ZSCAN31: variants seen among roughly 807,000 people sequenced by gnomAD.
ZSCAN31 encodes zinc finger and SCAN domain containing 31.
ZSCAN31 carries 14 observed loss-of-function variants against 22.5 expected under a neutral mutation model. The ratio of observed to expected loss-of-function variants is 0.62; its 90% confidence interval spans 0.41 to 0.97. The LOEUF (loss-of-function observed/expected upper bound fraction) is 0.97, where lower values mean the gene tolerates loss of function less well. Among genes scored for constraint, ZSCAN31 ranks in the 50% least tolerant of loss-of-function variants. The pLI, the probability that ZSCAN31 is intolerant of heterozygous loss-of-function variation, is 0.00. For synonymous variants in ZSCAN31, 168 were observed against 169.8 expected, an observed-to-expected ratio of 0.99 and a Z score of 0.08; for missense variants, 424 against 483.4, an observed-to-expected ratio of 0.88 and a Z score of 1.15.
chr6:28,327,522 A>C lies in ZSCAN31; in HGVS notation c.393T>G (p.His131Gln). Residue 131 changes from histidine (H) to glutamine (Q), a missense_variant, in exon 3 of 4, where the codon CAT becomes CAG. His to Gln is a conservative substitution (Grantham distance 24, BLOSUM62 0). Coordinates refer to ENST00000344279, the MANE Select transcript of ZSCAN31 (RefSeq NM_030899.5). Reference sequence around the variant, plus strand: ...AGAGCACTTCAGAATGTCCATGTTCATGGTCTGGAGCCTGAAGGCAGGTAG... The same window carrying C: ...AGAGCACTTCAGAATGTCCATGTTCCTGGTCTGGAGCCTGAAGGCAGGTAG... ...LSEPGNQAPDHEHGHSEVLLE... is the reference protein window; with the variant it reads ...LSEPGNQAPDQEHGHSEVLLE... 6.2e-7 allele frequency: 1 copy of C among 1,613,312 alleles called. No individual in the cohort carries two copies. Among genetic ancestry groups the C allele is most frequent in the Non-Finnish European group, 8.5e-7 (1 of 1,179,994 alleles).
At chr6:28,350,081 A>AGTGTGTGTGT (rs955657610) in intron 2 of ZSCAN31, 1 of 100,278 alleles carries the variant, frequency 1.0e-5, no homozygotes, top group African/African-American at 6.1e-5. Flanking sequence ...CGTTTGCAGG[A>AGTGTGTGTGT]GTATGTGTGT....
At position 28,349,918 on chromosome 6, in the gene ZSCAN31, G is replaced by C. The variant is rs532350979; in HGVS notation, c.-371+3944C>G. ...AGGTGGCTAGAGAGGCCCGGAAGTGGCTTCTGTGCCCCGCCCTGCGGGTGG... is the reference window on the plus strand; with the variant it reads ...AGGTGGCTAGAGAGGCCCGGAAGTGCCTTCTGTGCCCCGCCCTGCGGGTGG... On this transcript the variant is annotated intron_variant, in intron 2 of 7. Coordinates refer to the ZSCAN31 transcript ENST00000396838. The surrounding 1 kb of genome is among the most constrained non-coding windows in gnomAD (Gnocchi z 4.1). 158 of 152,380 alleles carry C rather than the reference G, an allele frequency of 1.0e-3. No individual in the cohort carries two copies. Among genetic ancestry groups the C allele is most frequent in the Middle Eastern group, 3.4e-3 (1 of 294 alleles). 9.4% of individuals were successfully genotyped at this position (152,380 alleles called of 1,614,324 possible). A position where few individuals can be genotyped will look rare whatever the true frequency, so the allele number is the denominator to read the frequency against.
At chr6:28,352,344 C>T (rs1366457757) in intron 2 of ZSCAN31, among the ~76,000 whole-genome samples, 1 of 152,152 alleles carries the variant, frequency 6.6e-6, no homozygotes, top group African/African-American at 2.4e-5. Flanking sequence ...TCTCCATCTC[C>T]CAGGCTCAAG....
intron 2 of ZSCAN31, among the ~76,000 whole-genome samples, chr6:28,352,026 G>T (rs1237302891): frequency 6.6e-6 from 1 of 151,470 alleles, no homozygotes; most frequent in South Asian, 2.1e-4. Flanking sequence ...TTTTCAGTGG[G>T]GTCCGAATAT....
intron 3 of ZSCAN31, 37 bp from the exon 4 acceptor site, chr6:28,326,891 T>A: frequency 2.0e-6 from 3 of 1,512,168 alleles, no homozygotes; most frequent in Non-Finnish European, 2.7e-6. Context: ...GTAATCTCTT[T>A]CCTTTATGAA....
Position 28,331,481 on chromosome 6 carries a change from T to C in ZSCAN31, c.-95-1703A>G, listed in dbSNP as rs1000649330. On this transcript the variant is annotated intron_variant, in intron 1 of 3. Coordinates refer to ENST00000344279, the MANE Select transcript of ZSCAN31 (RefSeq NM_030899.5). The surrounding 1 kb of genome is among the most constrained non-coding windows in gnomAD (Gnocchi z 4.8). ...GTCCCTAACTTTATGGTATTTACCA[T>C]GGGAAAGACAGACCTTAATAAAATA... 6.6e-6 allele frequency among the ~76,000 whole-genome samples: 1 copy of C among 152,222 alleles called. No homozygotes were observed. Among genetic ancestry groups the C allele is most frequent in the Admixed American group, 6.5e-5 (1 of 15,286 alleles).
intron 1 of ZSCAN31, chr6:28,335,417 T>C (rs1764070541): frequency 6.6e-6 from 1 of 152,244 alleles, no homozygotes; most frequent in Non-Finnish European, 1.5e-5. Flanking sequence ...CTTTGTATAG[T>C]CAGCAGGTTC....
rs1764842645 is a variant in ZSCAN31 at position 28,349,734 on chromosome 6, C to G, written c.-371+4128G>C. On this transcript the variant is annotated intron_variant, in intron 2 of 7. Transcript: ENST00000396838. The surrounding 1 kb of genome is among the most constrained non-coding windows in gnomAD (Gnocchi z 4.1). ...ACACATAATTTAGATTCTTTTTACTCTCTTCTATTCGCAAATATAGCAAAT... is the reference window on the plus strand; with the variant it reads ...ACACATAATTTAGATTCTTTTTACTGTCTTCTATTCGCAAATATAGCAAAT... Among the ~76,000 whole-genome samples the G allele has an allele frequency of 6.6e-6, 1 of 152,206 alleles. No homozygotes were observed. The highest frequency in any genetic ancestry group is 2.4e-5 in the African/African-American group (1 of 41,458).
rs5875155 is a variant in ZSCAN31, at chr6:28,346,342, C to CTTTTTTTTTTTTTTT, written c.-370-4565_-370-4551dup. Among the ~76,000 whole-genome samples the CTTTTTTTTTTTTTTT allele has an allele frequency of 2.0e-3, 178 of 87,750 alleles. 10 individuals carry two copies. Among genetic ancestry groups the CTTTTTTTTTTTTTTT allele is most frequent in the African/African-American group, 6.5e-3 (139 of 21,368 alleles). 57.6% of individuals were successfully genotyped at this position (87,750 alleles called of 152,430 possible). Reference sequence around the variant, plus strand: ...GCTTCTTGCTTCTCCTCAGTACAATCTTTTTTTTTTTTTTTTTTTTTTTTT... The same window carrying CTTTTTTTTTTTTTTT: ...GCTTCTTGCTTCTCCTCAGTACAATCTTTTTTTTTTTTTTTTTTTTTTTTTTTTTTTTTTTTTTTT... On this transcript the variant is annotated intron_variant, in intron 2 of 7. Coordinates refer to the ZSCAN31 transcript ENST00000396838.
intron 3 of ZSCAN31, among the ~76,000 whole-genome samples, chr6:28,341,546 T>C (rs1455045095): frequency 6.6e-6 from 1 of 152,182 alleles, no homozygotes; most frequent in Non-Finnish European, 1.5e-5. Flanking sequence ...GGGGCTAGGT[T>C]TAAACATAAG....
chr6:28,330,317 A>G (rs559362533), intron 1 of ZSCAN31, among the ~76,000 whole-genome samples: 108 of 152,334 alleles, frequency 7.1e-4, no homozygotes, highest in African/African-American at 2.5e-3. Flanking sequence ...GCCCACCCCA[A>G]GTAAGCTGTG....
At chr6:28,336,279 A>T (rs932214283), upstream of ZSCAN31, 1 of 152,212 alleles carries the variant, frequency 6.6e-6, no homozygotes, top group Non-Finnish European at 1.5e-5. Flanking sequence ...CAAAAATCCC[A>T]GTCCCACTGG....
upstream of ZSCAN31, among the ~76,000 whole-genome samples, chr6:28,338,478 G>A (rs765769822): frequency 6.6e-6 from 1 of 151,386 alleles, no homozygotes; most frequent in South Asian, 2.1e-4. Context: ...ATTACAAAAC[G>A]AGACAGAACA....
At chr6:28,326,952 T>C in intron 3 of ZSCAN31, 98 bp from the exon 4 acceptor site, 1 of 1,188,984 alleles carries the variant, frequency 8.4e-7, no homozygotes, top group South Asian at 1.5e-5. Flanking sequence ...AACAGACATG[T>C]TCTAGGAATG....
upstream of ZSCAN31, among the ~76,000 whole-genome samples, chr6:28,339,867 T>C (rs1209867254): frequency 6.6e-6 from 1 of 151,760 alleles, no homozygotes; most frequent in Non-Finnish European, 1.5e-5. Flanking sequence ...CCCTCAAATT[T>C]TGCAGGCATA....
rs1764804054 is a variant in ZSCAN31, at chr6:28,349,193, TATATATAGGTGTATATATATGTCTC to T, written c.-371+4644_-371+4668del. On this transcript the variant is annotated intron_variant, in intron 2 of 7. Coordinates refer to the ZSCAN31 transcript ENST00000396838. This position sits in a 1 kb window ranked among gnomAD's most constrained non-coding sequence, Gnocchi z 4.1. ...TATATAGGTGTATATATATGTCTCA[TATATATAGGTGTATATATATGTCTC>T]ATATATATAGGTGTATATATATGTC... Among the ~76,000 whole-genome samples the T allele has an allele frequency of 2.4e-5, 1 of 41,764 alleles. No individual in the cohort carries two copies. Among genetic ancestry groups the T allele is most frequent in the Non-Finnish European group, 3.6e-5 (1 of 27,898 alleles). 27.4% of individuals were successfully genotyped at this position (41,764 alleles called of 152,430 possible).
chr6:28,345,193 TG>T (rs1764598749), intron 2 of ZSCAN31, among the ~76,000 whole-genome samples: 1 of 148,786 alleles, frequency 6.7e-6, no homozygotes, highest in Non-Finnish European at 1.5e-5. Flanking sequence ...GAAAAATGAT[TG>T]GAAGATTGAA....
intron 2 of ZSCAN31, chr6:28,353,749 G>T: frequency 2.2e-6 from 1 of 445,822 alleles, no homozygotes; most frequent in Non-Finnish European, 4.5e-6. Context: ...TTCTGGGGAA[G>T]ACTGTGGATA....
At chr6:28,342,813 C>T (rs1764467249) in intron 2 of ZSCAN31, among the ~76,000 whole-genome samples, 1 of 152,226 alleles carries the variant, frequency 6.6e-6, no homozygotes, top group South Asian at 2.1e-4. Context: ...TTTTGGACTA[C>T]AGCTAGTTCT....
Sources: gnomAD v4.1 joint callset for allele counts (sites outside exome capture counted in the v4.1 genomes callset) on GRCh38, gnomAD v4.1.1 for gene constraint, Gnocchi (gnomAD v3.1) non-coding constraint, MANE v1.5 for transcripts, NCBI Gene and HGNC (gene_info 2026-07-23, HGNC 2026-07-21) for gene names.